The following PTPRK variants were observed in gnomAD, a reference collection of about 807,000 sequenced individuals.
PTPRK encodes receptor-type tyrosine-protein phosphatase kappa.
PTPRK carries 75 observed loss-of-function variants against 178.0 expected under a neutral mutation model. That is an observed-to-expected ratio of 0.42 (90% CI 0.35 to 0.51). The LOEUF is 0.51. Ranked by LOEUF, PTPRK falls within the 20% of genes least tolerant of loss-of-function variation. The pLI, the probability that PTPRK is intolerant of heterozygous loss-of-function variation, is 0.02. For synonymous variants in PTPRK, 637 were observed against 620.6 expected (o/e 1.03, Z -0.39); for missense variants, 1,441 against 1,797.8 (o/e 0.80, Z 3.59).
At chr6:128,077,622 G>A (rs772552806) in intron 11 of PTPRK, among the ~76,000 whole-genome samples, 6 of 151,350 alleles carry the variant, frequency 4.0e-5, no homozygotes, top group Admixed American at 4.0e-4. Context: ...ATATGTAAAC[G>A]ACTTGATATA....
In PTPRK at chr6:128,054,566, AG is replaced by A. The variant is rs1184913642; in HGVS notation, c.2194+10191del. Among the ~76,000 whole-genome samples, 25 of 152,320 alleles carry A rather than the reference AG, an allele frequency of 1.6e-4. 1 individual carries two copies. The South Asian group carries it at 5.2e-3, about 32-fold the overall frequency. On this transcript the variant is annotated intron_variant, in intron 13 of 29. Transcript: ENST00000368226. The stretch of plus-strand genomic sequence containing the variant: ...AATCCTAATAGCCAATAAATAGCAG[AG>A]GGGGGATTTGAATCTAGAATCTAGT...
At chr6:128,006,084 AAG>A (rs1468087119) in intron 14 of PTPRK, 1 of 1,536,476 alleles carries the variant, frequency 6.5e-7, no homozygotes, top group African/African-American at 1.4e-5. Context: ...ACAGTGGAAA[AAG>A]AGAAGCAATG....
At chr6:128,332,905 T>C (rs1285289100) in intron 2 of PTPRK, among the ~76,000 whole-genome samples, 5 of 152,206 alleles carry the variant, frequency 3.3e-5, no homozygotes, top group African/African-American at 7.2e-5. Context: ...AAAGGACTCA[T>C]TGATCTAAGT....
intron 1 of PTPRK, among the ~76,000 whole-genome samples, chr6:128,498,418 T>G (rs952906961): frequency 8.5e-5 from 13 of 152,230 alleles, no homozygotes; most frequent in Non-Finnish European, 2.9e-5. Context: ...AGACGTTTAC[T>G]CAGTTCAATA....
chr6:128,258,572 T>C (rs1446926509), intron 3 of PTPRK, among the ~76,000 whole-genome samples: 1 of 152,194 alleles, frequency 6.6e-6, no homozygotes, highest in African/African-American at 2.4e-5. Context: ...GCACCTGATA[T>C]GTACAAGAGA....
chr6:128,131,309 C>CA (rs1794197970), intron 7 of PTPRK, among the ~76,000 whole-genome samples: 1 of 152,064 alleles, frequency 6.6e-6, no homozygotes, highest in African/African-American at 2.4e-5. Flanking sequence ...TCTCTGGTAG[C>CA]AAAAAACATG....
chr6:127,982,010 T>C (rs745313581), intron 24 of PTPRK, among the ~76,000 whole-genome samples: 1 of 151,970 alleles, frequency 6.6e-6, no homozygotes, highest in Non-Finnish European at 1.5e-5. Context: ...CGGCTATTTT[T>C]TATATTTTTT....
intron 13 of PTPRK, among the ~76,000 whole-genome samples, chr6:128,026,252 C>CT (rs1304610549): frequency 6.6e-6 from 1 of 152,174 alleles, no homozygotes; most frequent in Admixed American, 6.5e-5. Context: ...ACCAGAACCT[C>CT]TTACAATTCT....
intron 22 of PTPRK, 148 bp from the exon 23 acceptor site, chr6:127,983,525 T>C (rs1775603764): frequency 1.4e-6 from 1 of 734,382 alleles, no homozygotes; most frequent in South Asian, 2.6e-5. Flanking sequence ...TGTAAAAGCT[T>C]ATTAATGTAC....
At chr6:128,207,610 T>C (rs542832620) in intron 6 of PTPRK, among the ~76,000 whole-genome samples, 2 of 152,268 alleles carry the variant, frequency 1.3e-5, no homozygotes, top group East Asian at 1.9e-4. Flanking sequence ...GTACCATATA[T>C]ACAAAAGCAG....
intron 1 of PTPRK, among the ~76,000 whole-genome samples, chr6:128,486,925 G>T (rs1234120652): frequency 6.6e-6 from 1 of 151,600 alleles, no homozygotes; most frequent in Non-Finnish European, 1.5e-5. Flanking sequence ...ATATCACTTT[G>T]GTTGTGACAG....
At chr6:128,441,386 AAAGT>A (rs1846260431) in intron 1 of PTPRK, among the ~76,000 whole-genome samples, 1 of 152,154 alleles carries the variant, frequency 6.6e-6, no homozygotes, top group Non-Finnish European at 1.5e-5. Flanking sequence ...CTACTGGGCA[AAAGT>A]AAGCAACAAA....
rs571839421 is a variant in PTPRK, at chr6:128,467,333, T to C, written c.100+52926A>G. On this transcript the variant is annotated intron_variant, in intron 1 of 29. Transcript: ENST00000368226. ...CCTATCTTGCTAATGTTACTCAGTT[T>C]GATGTTGAGAGGGTAAGATAAATAT... Among the ~76,000 whole-genome samples, 17 of 152,302 alleles carry C rather than the reference T, an allele frequency of 1.1e-4. No homozygotes were observed. The East Asian group carries it at 3.3e-3, about 29-fold the overall frequency.
At chr6:128,189,576 AAC>A (rs1803403590) in intron 6 of PTPRK, among the ~76,000 whole-genome samples, 1 of 152,126 alleles carries the variant, frequency 6.6e-6, no homozygotes, top group African/African-American at 2.4e-5. Context: ...AAAAGGGAAA[AAC>A]AGAGATGATG....
At chr6:128,047,285 TATC>T in intron 13 of PTPRK, among the ~76,000 whole-genome samples, 1 of 152,324 alleles carries the variant, frequency 6.6e-6, no homozygotes, top group South Asian at 2.1e-4. Flanking sequence ...GAAGGACTTA[TATC>T]ATCATTGCTT....
In PTPRK at chr6:128,488,575, A is replaced by G. The variant is rs575833419; in HGVS notation, c.100+31684T>C. 5.3e-5 allele frequency among the ~76,000 whole-genome samples: 8 copies of G among 152,294 alleles called. No individual in the cohort carries two copies. The East Asian group carries it at 1.4e-3, about 26-fold the overall frequency. On this transcript the variant is annotated intron_variant, in intron 1 of 29. Transcript: ENST00000368226. ...GAATACGCGATTTCTAACATAAACA[A>G]AAGCAGATAATTTTCTTTGAAATAA...
rs187080594 is a variant in PTPRK, at chr6:128,194,675, G to A, written c.869-9950C>T. 2.1e-3 allele frequency among the ~76,000 whole-genome samples: 321 copies of A among 152,212 alleles called. 1 individual carries two copies. Among genetic ancestry groups the A allele is most frequent in the Middle Eastern group, 3.4e-3 (1 of 294 alleles). ...ACTCTGTTCAGTTCACTGAAGTCTA[G>A]GGCCATAAACAGGTGATCACCTCAC... On this transcript the variant is annotated intron_variant, in intron 6 of 29. Transcript: ENST00000368226.
intron 1 of PTPRK, among the ~76,000 whole-genome samples, chr6:128,464,651 A>ATATG (rs1554271911): frequency 2.0e-5 from 2 of 98,204 alleles, no homozygotes; most frequent in Middle Eastern, 4.3e-3. Context: ...ATATATATAT[A>ATATG]TATATATATA....
intron 3 of PTPRK, among the ~76,000 whole-genome samples, chr6:128,254,437 G>C (rs916686208): frequency 6.6e-6 from 1 of 152,000 alleles, no homozygotes; most frequent in Non-Finnish European, 1.5e-5. Flanking sequence ...AAAATAATAG[G>C]GAACTTTAGA....
Sources: allele counts gnomAD v4.1 joint callset (sites outside exome capture counted in the v4.1 genomes callset), GRCh38; gene constraint gnomAD v4.1.1; transcripts MANE v1.5; gene names NCBI Gene and HGNC (gene_info 2026-07-23, HGNC 2026-07-21).